Variants in ANKRD46 observed in about 807,000 individuals in gnomAD.
ANKRD46 encodes the protein ankyrin repeat domain 46, also known as ankyrin repeat domain-containing protein 46.
A neutral mutation model predicts 19.8 loss-of-function variants in ANKRD46; 13 were observed. The observed-to-expected ratio is 0.66, with a 90% CI of 0.43 to 1.04. The LOEUF is 1.04. ANKRD46 is among the 50% of genes least tolerant of loss of function. The pLI is 0.00. For missense variants in ANKRD46, 185 were observed against 274.8 expected (o/e 0.67, Z 2.31); for synonymous variants, 91 against 106.9 (o/e 0.85, Z 0.92).
At position 100,510,661 on chromosome 8, in the gene ANKRD46, AT is replaced by A; in HGVS notation, c.637-23del. ...TTCTCTGTAAATGTGGGGAAGACAGATTAAAAAAAAAAAAAAATCCCAGTTC... is the reference window on the plus strand; with the variant it reads ...TTCTCTGTAAATGTGGGGAAGACAGATAAAAAAAAAAAAAAATCCCAGTTC... On this transcript the variant is annotated intron_variant, in intron 5 of 5. Coordinates refer to the ANKRD46 transcript ENST00000520552. The surrounding 1 kb of genome is among the most constrained non-coding windows in gnomAD (Gnocchi z 4.9). 7.9e-6 allele frequency: 12 copies of A among 1,510,682 alleles called. No homozygotes were observed. Among genetic ancestry groups the A allele is most frequent in the Non-Finnish European group, 8.8e-6 (10 of 1,130,394 alleles). The allele number at this position is 1,510,682 out of a possible 1,614,324, so 93.6% of individuals were successfully genotyped here.
rs1010855941 is a variant in ANKRD46 at position 100,544,542 on chromosome 8, C to T, written c.-130-11231G>A. ...GACTTCCAGACTTGAATCAAGAGAT[C>T]CATGATCTGTGAATTTATCAAGAAT... On this transcript the variant is annotated intron_variant, in intron 1 of 4. Coordinates refer to ENST00000335659, the MANE Select transcript of ANKRD46 (RefSeq NM_001270377.2). This position sits in a 1 kb window ranked among gnomAD's most constrained non-coding sequence, Gnocchi z 4.4. Among the ~76,000 whole-genome samples, 2 of 152,132 alleles carry T rather than the reference C, an allele frequency of 1.3e-5. No individual in the cohort carries two copies. The highest frequency in any genetic ancestry group is 2.4e-5 in the African/African-American group (1 of 41,424).
intron 1 of ANKRD46, among the ~76,000 whole-genome samples, chr8:100,549,142 T>C (rs1377754715): frequency 1.9e-5 from 2 of 107,942 alleles, no homozygotes; most frequent in Non-Finnish European, 4.4e-5. Context: ...AGTTCAGAAT[T>C]TTTTTTTAAA....
rs1389746565 is a variant in ANKRD46, at chr8:100,522,110, A to C, written c.*445T>G. On this transcript the variant is annotated 3_prime_UTR_variant, in exon 5 of 5. Transcript: ENST00000335659. The stretch of plus-strand genomic sequence containing the variant: ...AAGTTTTATCTCTTATCCCTAGAGA[A>C]AGTAAATAAAAAGTGGCTCTTGCAA... 1 of 990,396 alleles carries C rather than the reference A, an allele frequency of 1.0e-6. No individual in the cohort carries two copies. Among genetic ancestry groups the C allele is most frequent in the Non-Finnish European group, 1.2e-6 (1 of 832,622 alleles). 61.4% of individuals were successfully genotyped at this position (990,396 alleles called of 1,614,324 possible).
chr8:100,520,376 C>T (rs1459217895), downstream of ANKRD46, among the ~76,000 whole-genome samples: 2 of 152,116 alleles, frequency 1.3e-5, no homozygotes, highest in Non-Finnish European at 2.9e-5. Flanking sequence ...ATAATTGGGG[C>T]TGGAGCCTCA....
intron 1 of ANKRD46, among the ~76,000 whole-genome samples, chr8:100,535,303 G>C (rs1170201332): frequency 6.6e-6 from 1 of 152,166 alleles, no homozygotes; most frequent in African/African-American, 2.4e-5. Context: ...TGTCCAATGG[G>C]TGAAGAGGAC....
chr8:100,518,011 C>A (rs1025300686), downstream of ANKRD46, among the ~76,000 whole-genome samples: 1 of 152,032 alleles, frequency 6.6e-6, no homozygotes, highest in Non-Finnish European at 1.5e-5. Context: ...GCCAACATGA[C>A]GAAAACCCAT....
rs1811976791 is a variant in ANKRD46 at position 100,532,166 on chromosome 8, A to G, written c.-28+1043T>C. ...TAAACTTCAGATTATGATACATATG[A>G]TGACTTTTTAAAAATCTGGCTGGAC... On this transcript the variant is annotated intron_variant, in intron 2 of 4. Transcript: ENST00000335659. This position sits in a 1 kb window ranked among gnomAD's most constrained non-coding sequence, Gnocchi z 4.7. Among the ~76,000 whole-genome samples, 1 of 152,198 alleles carries G rather than the reference A, an allele frequency of 6.6e-6. No homozygotes were observed. The highest frequency in any genetic ancestry group is 2.1e-4 in the South Asian group (1 of 4,828).
At position 100,527,965 on chromosome 8, in the gene ANKRD46, C is replaced by T; in HGVS notation, c.350G>A (p.Arg117His). 2 of 1,606,162 alleles carry T rather than the reference C, an allele frequency of 1.2e-6. No individual in the cohort carries two copies. Among genetic ancestry groups the T allele is most frequent in the South Asian group, 1.1e-5 (1 of 90,572 alleles). The change falls in exon 4 of 5, where the codon CGC becomes CAC. Residue 117 changes from arginine to histidine, a missense_variant. Transcript: ENST00000335659. The surrounding 1 kb of genome is among the most constrained non-coding windows in gnomAD (Gnocchi z 4.0). ...GATGACATCTTTATTTACTCCTCTGCGCTTTGCCAGAACTAAAGGGGTAGC... is the reference window on the plus strand; with the variant it reads ...GATGACATCTTTATTTACTCCTCTGTGCTTTGCCAGAACTAAAGGGGTAGC... ...QGATPLVLAKRRGVNKDVIRL... is the reference protein window; with the variant it reads ...QGATPLVLAKHRGVNKDVIRL...
rs114061040 is a variant in ANKRD46, at chr8:100,546,530, T to A, written c.-131+13181A>T. On this transcript the variant is annotated intron_variant, in intron 1 of 4. Coordinates refer to ENST00000335659, the MANE Select transcript of ANKRD46 (RefSeq NM_001270377.2). The surrounding 1 kb of genome is among the most constrained non-coding windows in gnomAD (Gnocchi z 4.0). ...TAGATTTCAAAGGACATATGGAAAT[T>A]CCTGGATGTCCAGACAGAAGTCTGC... 1.3e-5 allele frequency among the ~76,000 whole-genome samples: 2 copies of A among 152,210 alleles called. No homozygotes were observed. Among genetic ancestry groups the A allele is most frequent in the Non-Finnish European group, 2.9e-5 (2 of 68,038 alleles).
At chr8:100,538,139 T>G (rs1812100831) in intron 1 of ANKRD46, among the ~76,000 whole-genome samples, 1 of 152,202 alleles carries the variant, frequency 6.6e-6, no homozygotes, top group African/African-American at 2.4e-5. Context: ...CTTTCCTGAA[T>G]GTACACTCGA....
chr8:100,537,528 T>C lies in ANKRD46; in HGVS notation c.-130-4217A>G, dbSNP rs938586339. Reference sequence around the variant, plus strand: ...CTATCACTTGCTTATTCTTATCCTTTTAAGAGGATACAGCTGTTTCAAAAT... The same window carrying C: ...CTATCACTTGCTTATTCTTATCCTTCTAAGAGGATACAGCTGTTTCAAAAT... On this transcript the variant is annotated intron_variant, in intron 1 of 4. Transcript: ENST00000335659. The surrounding 1 kb of genome is among the most constrained non-coding windows in gnomAD (Gnocchi z 4.2). 6.6e-6 allele frequency among the ~76,000 whole-genome samples: 1 copy of C among 152,246 alleles called. No homozygotes were observed. Among genetic ancestry groups the C allele is most frequent in the Non-Finnish European group, 1.5e-5 (1 of 68,036 alleles).
At chr8:100,516,124 G>A (rs1049517673), downstream of ANKRD46, among the ~76,000 whole-genome samples, 28 of 151,984 alleles carry the variant, frequency 1.8e-4, no homozygotes, top group Non-Finnish European at 4.0e-4. Context: ...CACCCGCCTC[G>A]GCCTCCCAAA....
At position 100,559,199 on chromosome 8, in the gene ANKRD46, G is replaced by A; in HGVS notation, c.-131+512C>T. On this transcript the variant is annotated intron_variant, in intron 1 of 4. Transcript: ENST00000335659. The surrounding 1 kb of genome is among the most constrained non-coding windows in gnomAD (Gnocchi z 6.0). ...GTTTGCGATTACCCGAGCCCTAAGT[G>A]GAAGGTGTGCAAATCCTTCCTTTTA... is the stretch of plus-strand genomic sequence containing the variant. The A allele has an allele frequency of 6.6e-6, 1 of 152,226 alleles. No homozygotes were observed. The highest frequency in any genetic ancestry group is 1.9e-4 in the East Asian group (1 of 5,198). 9.4% of individuals were successfully genotyped at this position (152,226 alleles called of 1,614,324 possible). A position where few individuals can be genotyped will look rare whatever the true frequency, so the allele number is the denominator to read the frequency against.
chr8:100,520,275 C>A (rs1430209292), downstream of ANKRD46, among the ~76,000 whole-genome samples: 2 of 152,122 alleles, frequency 1.3e-5, no homozygotes, highest in East Asian at 3.9e-4. Flanking sequence ...TTAGTAATGT[C>A]CTGCTGAAAT....
At chr8:100,533,011 G>GT (rs1811995892) in intron 2 of ANKRD46, among the ~76,000 whole-genome samples, 198 bp downstream of exon 2, 1 of 152,172 alleles carries the variant, frequency 6.6e-6, no homozygotes, top group African/African-American at 2.4e-5. Flanking sequence ...ACAAGTCTCT[G>GT]TGTCTATTTT....
chr8:100,549,976 G>A (rs1405159765), intron 1 of ANKRD46, among the ~76,000 whole-genome samples: 5 of 152,102 alleles, frequency 3.3e-5, no homozygotes, highest in Middle Eastern at 3.2e-3. Context: ...CTCATAATAC[G>A]TGTTTTCTGT....
In ANKRD46 at chr8:100,529,561, G is replaced by C; in HGVS notation, c.273C>G (p.Ile91Met). The C allele has an allele frequency of 6.2e-7, 1 of 1,613,628 alleles. No individual in the cohort carries two copies. The highest frequency in any genetic ancestry group is 8.5e-7 in the Non-Finnish European group (1 of 1,179,544). ...TGAGTCCATTGGAAACCAAAAATTG[G>C]ATAGTATCCACATGGCCACAGAGGT... Reference protein sequence around the residue: ...ALHLCGHVDTIQFLVSNGLKI... With the variant: ...ALHLCGHVDTMQFLVSNGLKI... Residue 91 changes from isoleucine (I) to methionine (M), a missense_variant, in exon 3 of 5, where the codon ATC becomes ATG. Physicochemically the swap from Ile to Met is conservative, Grantham distance 10. Transcript: ENST00000335659. The surrounding 1 kb of genome is among the most constrained non-coding windows in gnomAD (Gnocchi z 5.8).
chr8:100,515,822 T>A (rs1811621873), downstream of ANKRD46, among the ~76,000 whole-genome samples: 1 of 152,052 alleles, frequency 6.6e-6, no homozygotes, highest in Non-Finnish European at 1.5e-5. Context: ...CCACTCCAGA[T>A]GACTTCTAAT....
intron 1 of ANKRD46, among the ~76,000 whole-genome samples, chr8:100,539,797 C>T (rs1379288250): frequency 1.3e-5 from 2 of 152,056 alleles, no homozygotes; most frequent in Non-Finnish European, 2.9e-5. Context: ...ACCTATAATC[C>T]CAGCACTTTG....
Sources: gnomAD v4.1 joint callset for allele counts (sites outside exome capture counted in the v4.1 genomes callset) on GRCh38, gnomAD v4.1.1 for gene constraint, Gnocchi (gnomAD v3.1) non-coding constraint, MANE v1.5 for transcripts, NCBI Gene and HGNC (gene_info 2026-07-23, HGNC 2026-07-21) for gene names.